Variants in MGAM observed in about 807,000 individuals in gnomAD.
MGAM encodes maltase-glucoamylase.
A neutral mutation model predicts 358.8 loss-of-function variants in MGAM; 253 were observed. The observed-to-expected ratio is 0.71, with a 90% confidence interval of 0.64 to 0.78. MGAM has a LOEUF of 0.78. Among genes scored for constraint, MGAM ranks in the 30% least tolerant of loss-of-function variants. The pLI, the probability that MGAM is intolerant of heterozygous loss-of-function variation, is 0.00. For synonymous variants in MGAM, 1,105 were observed against 1,227.1 expected, an observed-to-expected ratio of 0.90 and a Z score of 2.08; for missense variants, 3,080 against 3,432.6, an observed-to-expected ratio of 0.90 and a Z score of 2.57.
At chr7:142,032,971 G>T in intron 14 of MGAM, 62 bp downstream of exon 14, 1 of 1,146,158 alleles carries the variant, frequency 8.7e-7, no homozygotes, top group Non-Finnish European at 1.2e-6. Context: ...AAATTCATAA[G>T]GACAGATCTG....
At chr7:142,006,536 T>C (rs782448857) in intron 2 of MGAM, among the ~76,000 whole-genome samples, 10 of 152,156 alleles carry the variant, frequency 6.6e-5, no homozygotes, top group Non-Finnish European at 1.2e-4. Flanking sequence ...TGGTCTGCTT[T>C]TGCTGTGACT....
intron 2 of MGAM, among the ~76,000 whole-genome samples, chr7:142,007,401 A>T (rs1805256898): frequency 6.6e-6 from 1 of 152,082 alleles, no homozygotes; most frequent in African/African-American, 2.4e-5. Flanking sequence ...GAACCAGGCA[A>T]TCAAGTGTTA....
chr7:142,070,195 GA>G (rs34471297), intron 43 of MGAM, among the ~76,000 whole-genome samples: 41,293 of 111,112 alleles, frequency 0.37, 10,188 homozygotes, highest in Middle Eastern at 0.55. Context: ...TTTGTCTCAA[GA>G]AAAAAAAAAA....
At chr7:142,018,376 C>A (rs1806136717) in intron 3 of MGAM, among the ~76,000 whole-genome samples, 1 of 152,170 alleles carries the variant, frequency 6.6e-6, no homozygotes, top group African/African-American at 2.4e-5. Flanking sequence ...ATGAGGACTC[C>A]AACAGAGAAG....
At chr7:142,041,883 C>CAT (rs1438241142) in intron 21 of MGAM, among the ~76,000 whole-genome samples, 1 of 68,086 alleles carries the variant, frequency 1.5e-5, no homozygotes, top group African/African-American at 5.7e-5. Context: ...TATATATATA[C>CAT]GTATAATATA....
At chr7:142,017,038 G>A (rs998422187) in intron 3 of MGAM, among the ~76,000 whole-genome samples, 19 of 152,108 alleles carry the variant, frequency 1.2e-4, no homozygotes, top group African/African-American at 4.6e-4. Context: ...TAAACCATGT[G>A]ATAGTTGACA....
At chr7:142,012,178 A>C (rs1391815248) in intron 3 of MGAM, among the ~76,000 whole-genome samples, 1 of 152,062 alleles carries the variant, frequency 6.6e-6, no homozygotes, top group African/African-American at 2.4e-5. Flanking sequence ...TTCTGGTTCC[A>C]CCTTTTTTGT....
At chr7:142,052,694 C>T (rs1811114016) in intron 25 of MGAM, 90 bp from the exon 26 acceptor site, 38 of 1,491,514 alleles carry the variant, frequency 2.5e-5, no homozygotes, top group Non-Finnish European at 3.5e-5. Context: ...GTTTTATCGT[C>T]ATATAAAATG....
chr7:142,082,592 C>A (rs1814410825), intron 52 of MGAM, 21 bp downstream of exon 52: 2 of 1,466,408 alleles, frequency 1.4e-6, no homozygotes, highest in Admixed American at 3.9e-5. Context: ...CCAGCGCCTC[C>A]CTTATTTTGG....
Position 142,025,086 on chromosome 7 carries a change from T to C in MGAM, c.919T>C (p.Leu307=), listed in dbSNP as rs782650030. 6.2e-6 allele frequency: 10 copies of C among 1,613,816 alleles called. No homozygotes were observed. The Admixed American group carries it at 1.7e-4, about 27-fold the overall frequency. The change falls in exon 8 of 71, where the codon TTG becomes CTG. Residue 307 remains leucine (L), a synonymous_variant. Transcript: ENST00000475668. ...TTTGTATGGTGCGCAGACATTCTTC[T>C]TGTGCCTTGAAGATGCTAGTGGATT... ...TNLYGAQTFF[L]CLEDASGLSF... is the part of the protein sequence containing the mutation.
chr7:142,053,450 A>G (rs1353711865), intron 26 of MGAM, among the ~76,000 whole-genome samples: 2 of 152,176 alleles, frequency 1.3e-5, no homozygotes, highest in Non-Finnish European at 2.9e-5. Flanking sequence ...TAACTCAAAT[A>G]GGAATACTGA....
At chr7:142,095,217 G>T (rs891158166) in intron 63 of MGAM, among the ~76,000 whole-genome samples, 1 of 152,142 alleles carries the variant, frequency 6.6e-6, no homozygotes, top group Non-Finnish European at 1.5e-5. Context: ...AAAGTGCTGG[G>T]ATTACAGGCG....
chr7:142,031,835 A>AG lies in MGAM; in HGVS notation c.1584+42_1584+43insG, dbSNP rs1554463918. 2.3e-6 allele frequency: 3 copies of AG among 1,314,114 alleles called. No homozygotes were observed. In the South Asian group the frequency reaches 3.5e-5, roughly 16 times the overall value. The allele number at this position is 1,314,114 out of a possible 1,614,324, so 81.4% of individuals were successfully genotyped here. On this transcript the variant is annotated intron_variant, in intron 13 of 70. Transcript: ENST00000475668. ...TGGATTATTAGGTGACAAATATTCA[A>AG]ATTGTGTATATCTGTATCTGTATCT...
chr7:141,995,283 C>T (rs1804148039), upstream of MGAM, among the ~76,000 whole-genome samples: 1 of 151,614 alleles, frequency 6.6e-6, no homozygotes, highest in Non-Finnish European at 1.5e-5. Flanking sequence ...ATAATTTAGC[C>T]TGGGAGGTTA....
chr7:142,011,886 T>A (rs1352005201), intron 3 of MGAM, among the ~76,000 whole-genome samples: 1 of 152,156 alleles, frequency 6.6e-6, no homozygotes, highest in African/African-American at 2.4e-5. Flanking sequence ...ACTTTGAGGT[T>A]AAATGAAGTG....
Position 142,045,557 on chromosome 7 carries a change from T to C in MGAM, c.2499-2228T>C, listed in dbSNP as rs1182184297. On this transcript the variant is annotated intron_variant, in intron 21 of 70. Coordinates refer to ENST00000475668, the MANE Select transcript of MGAM (RefSeq NM_001365693.1). ...ATATATATTATATATACATACAATA[T>C]ATGAATATATAATATATATTATATA... Among the ~76,000 whole-genome samples the C allele has an allele frequency of 5.9e-5, 2 of 33,702 alleles. 1 individual carries two copies. Among genetic ancestry groups the C allele is most frequent in the Non-Finnish European group, 1.1e-4 (2 of 18,276 alleles). 22.1% of individuals were successfully genotyped at this position (33,702 alleles called of 152,430 possible). A position where few individuals can be genotyped will look rare whatever the true frequency, so the allele number is the denominator to read the frequency against.
chr7:142,060,000 G>A (rs1292964121), intron 33 of MGAM, 34 bp downstream of exon 33: 1 of 1,558,812 alleles, frequency 6.4e-7, no homozygotes, highest in Non-Finnish European at 8.7e-7. Context: ...CTAGTCCCCA[G>A]CCTGAGGGTG....
Position 142,103,507 on chromosome 7 carries a change from G to C in MGAM, c.8184+68G>C. 3.6e-6 allele frequency: 5 copies of C among 1,370,370 alleles called. No homozygotes were observed. In the South Asian group the frequency reaches 9.0e-5, roughly 25 times the overall value. 84.9% of individuals were successfully genotyped at this position (1,370,370 alleles called of 1,614,324 possible). On this transcript the variant is annotated intron_variant, in intron 70 of 70. Coordinates refer to ENST00000475668, the MANE Select transcript of MGAM (RefSeq NM_001365693.1). ...AATATGCCTAGTGCAGTGCCTGACT[G>C]CTTCCCTTCCAAATGATGCCCTCTC...
rs1365491007 is a variant in MGAM at position 142,071,251 on chromosome 7, G to T, written c.5186+133G>T. ...TCAACACTTGTTTTTTCTTTGTTTT[G>T]TTGTTTGTGTGTTAATCTTTTTCAG... On this transcript the variant is annotated intron_variant, in intron 44 of 70. Coordinates refer to ENST00000475668, the MANE Select transcript of MGAM (RefSeq NM_001365693.1). 3 of 1,148,258 alleles carry T rather than the reference G, an allele frequency of 2.6e-6. 1 individual carries two copies. In the African/African-American group the frequency reaches 4.5e-5, roughly 17 times the overall value. The allele number at this position is 1,148,258 out of a possible 1,614,324, so 71.1% of individuals were successfully genotyped here.
Sources: allele counts gnomAD v4.1 joint callset (sites outside exome capture counted in the v4.1 genomes callset), GRCh38; gene constraint gnomAD v4.1.1; transcripts MANE v1.5; gene names NCBI Gene and HGNC (gene_info 2026-07-23, HGNC 2026-07-21).